The following EPHX1 variants were observed in gnomAD, a reference collection of about 807,000 sequenced individuals.
The protein encoded by EPHX1 is epoxide hydratase.
EPHX1 carries 40 observed loss-of-function variants against 43.2 expected under a neutral mutation model. That is an observed-to-expected ratio of 0.93 (90% CI 0.72 to 1.21). The LOEUF (loss-of-function observed/expected upper bound fraction) is 1.21, where lower values mean the gene tolerates loss of function less well. Among genes scored for constraint, EPHX1 ranks in the 50% most tolerant of loss-of-function variants. EPHX1 has a pLI of 0.00. For synonymous variants in EPHX1, 221 were observed against 226.7 expected (o/e 0.98, Z 0.22); for missense variants, 550 against 570.4 (o/e 0.96, Z 0.36).
At chr1:225,813,509 G>C (rs893705158) in intron 1 of EPHX1, among the ~76,000 whole-genome samples, 2 of 152,210 alleles carry the variant, frequency 1.3e-5, no homozygotes, top group African/African-American at 4.8e-5. Context: ...GCTCCAGGAA[G>C]AGCTTCCTCT....
At position 225,845,164 on chromosome 1, in the gene EPHX1, C is replaced by T; in HGVS notation, c.1185C>T (p.Pro395=). Residue 395 remains proline, a synonymous_variant, in exon 9 of 9, where the codon CCC becomes CCT. Transcript: ENST00000272167. ...CTTCCAGGATGAAGGTCTATGTGCC[C>T]ACTGGCTTCTCTGCCTTCCCTTTTG... ...QKHERMKVYV[P]TGFSAFPFEL... is the part of the protein sequence containing the mutation. The T allele has an allele frequency of 6.2e-7, 1 of 1,614,120 alleles. No individual in the cohort carries two copies. Among genetic ancestry groups the T allele is most frequent in the Non-Finnish European group, 8.5e-7 (1 of 1,180,018 alleles).
At chr1:225,838,076 A>G (rs1187509347) in intron 3 of EPHX1, among the ~76,000 whole-genome samples, 1 of 152,216 alleles carries the variant, frequency 6.6e-6, no homozygotes, top group Non-Finnish European at 1.5e-5. Flanking sequence ...AGCATAGATG[A>G]CTTTTTATAA....
At chr1:225,839,789 A>G (rs1001195922) in intron 5 of EPHX1, 40 bp from the exon 6 acceptor site, 4 of 1,602,364 alleles carry the variant, frequency 2.5e-6, no homozygotes, top group Non-Finnish European at 3.4e-6. Context: ...TGTCCTTGAC[A>G]CCAGCCCAGC....
chr1:225,833,558 G>A (rs1220141895), intron 3 of EPHX1, among the ~76,000 whole-genome samples: 1 of 152,154 alleles, frequency 6.6e-6, no homozygotes, highest in Non-Finnish European at 1.5e-5. Flanking sequence ...CACTTTGGGA[G>A]GCTGAGGCAG....
intron 1 of EPHX1, among the ~76,000 whole-genome samples, chr1:225,816,568 G>T (rs189932260): frequency 6.6e-6 from 1 of 152,188 alleles, no homozygotes; most frequent in Non-Finnish European, 1.5e-5. Flanking sequence ...GGCATCTCTC[G>T]GTCTTCTTGA....
chr1:225,840,772 T>C (rs1020523126), intron 6 of EPHX1: 5 of 153,398 alleles, frequency 3.3e-5, no homozygotes, highest in African/African-American at 4.8e-5. Flanking sequence ...GAAGGTCTGC[T>C]AGGTAACTCC....
chr1:225,842,460 T>C lies in EPHX1; in HGVS notation c.1026T>C (p.Asp342=), dbSNP rs1559026521. The C allele has an allele frequency of 6.2e-7, 1 of 1,613,092 alleles. No individual in the cohort carries two copies. The highest frequency in any genetic ancestry group is 8.5e-7 in the Non-Finnish European group (1 of 1,178,992). ...ATACGGAATTCCGATACCTGGAGGA[T>C]GGAGGCCTGGAAAGGTGAGGCCCTG... ...WTNTEFRYLE[D]GGLERKFSLD... is the part of the protein sequence containing the mutation. The change falls in exon 7 of 9, where the codon GAT becomes GAC. Residue 342 remains aspartate (D), a synonymous_variant. Coordinates refer to ENST00000272167, the MANE Select transcript of EPHX1 (RefSeq NM_001136018.4).
At chr1:225,835,664 C>T (rs1296093768) in intron 3 of EPHX1, among the ~76,000 whole-genome samples, 1 of 151,278 alleles carries the variant, frequency 6.6e-6, no homozygotes, top group East Asian at 1.9e-4. Context: ...GCTGGGATTA[C>T]AGGTATGAGC....
intron 1 of EPHX1, among the ~76,000 whole-genome samples, chr1:225,820,211 G>T (rs918194973): frequency 6.6e-6 from 1 of 152,118 alleles, no homozygotes; most frequent in Admixed American, 6.6e-5. Context: ...AATTCTCCCT[G>T]CCTCAGCCTC....
intron 1 of EPHX1, among the ~76,000 whole-genome samples, chr1:225,815,663 CACAA>C (rs1174610933): frequency 6.6e-6 from 1 of 152,154 alleles, no homozygotes; most frequent in Non-Finnish European, 1.5e-5. Context: ...TAAGCATTGC[CACAA>C]ACAAACTAAC....
chr1:225,814,742 G>T (rs1269104653), intron 1 of EPHX1, among the ~76,000 whole-genome samples: 2 of 152,216 alleles, frequency 1.3e-5, no homozygotes, highest in African/African-American at 4.8e-5. Flanking sequence ...TTGTCCTCTG[G>T]CAACTCAGCC....
chr1:225,812,012 G>A (rs529687551), intron 1 of EPHX1, among the ~76,000 whole-genome samples: 2 of 152,306 alleles, frequency 1.3e-5, no homozygotes, highest in African/African-American at 2.4e-5. Context: ...GAAAGGGAAG[G>A]CCTCACTGAA....
At chr1:225,816,471 C>G (rs1287387589) in intron 1 of EPHX1, among the ~76,000 whole-genome samples, 1 of 152,088 alleles carries the variant, frequency 6.6e-6, no homozygotes, top group African/African-American at 2.4e-5. Flanking sequence ...AACTCAACAG[C>G]TCTAATTTTA....
At chr1:225,844,734 G>C in intron 8 of EPHX1, 111 bp downstream of exon 8, 1 of 1,521,952 alleles carries the variant, frequency 6.6e-7, no homozygotes, top group Non-Finnish European at 8.8e-7. Flanking sequence ...AGCCTTGCCT[G>C]CAGGTGCCCC....
At chr1:225,837,263 C>T (rs578118019) in intron 3 of EPHX1, among the ~76,000 whole-genome samples, 9 of 152,292 alleles carry the variant, frequency 5.9e-5, no homozygotes, top group African/African-American at 1.9e-4. Flanking sequence ...AATATATTAA[C>T]GACAGAACAG....
At chr1:225,824,952 G>C (rs889361127) in intron 1 of EPHX1, among the ~76,000 whole-genome samples, 2 of 152,208 alleles carry the variant, frequency 1.3e-5, no homozygotes, top group Non-Finnish European at 2.9e-5. Context: ...CTGCAGTAGA[G>C]CCTATTTGTA....
chr1:225,839,817 C>G lies in EPHX1; in HGVS notation c.723-12C>G. 1 of 1,613,382 alleles carries G rather than the reference C, an allele frequency of 6.2e-7. No homozygotes were observed. Among genetic ancestry groups the G allele is most frequent in the Non-Finnish European group, 8.5e-7 (1 of 1,179,880 alleles). On this transcript the variant is annotated splice_polypyrimidine_tract_variant and intron_variant, in intron 5 of 8. Transcript: ENST00000272167. ...AGCCCAGCCTCACCCCGGCCCCTCT[C>G]TCTGCCTTCAGCCACGTGAAAGGCC... is the stretch of plus-strand genomic sequence containing the variant.
At chr1:225,826,447 CAAAAAAAAAAA>C (rs374232833) in intron 1 of EPHX1, among the ~76,000 whole-genome samples, 1 of 84,174 alleles carries the variant, frequency 1.2e-5, no homozygotes, top group Non-Finnish European at 2.2e-5. Flanking sequence ...GACTCTGTCT[CAAAAAAAAAAA>C]AAAAAAAAAA....
At chr1:225,820,391 A>G (rs1666929798) in intron 1 of EPHX1, among the ~76,000 whole-genome samples, 1 of 152,102 alleles carries the variant, frequency 6.6e-6, no homozygotes, top group African/African-American at 2.4e-5. Context: ...CCTGTCCCCA[A>G]GTATATTTTC....
Sources: gnomAD v4.1 joint callset for allele counts (sites outside exome capture counted in the v4.1 genomes callset) on GRCh38, gnomAD v4.1.1 for gene constraint, MANE v1.5 for transcripts, NCBI Gene and HGNC (gene_info 2026-07-23, HGNC 2026-07-21) for gene names.